EPHA4: variants seen among roughly 807,000 people sequenced by gnomAD.
The protein encoded by EPHA4 is EPH receptor A4, also known as ephrin type-A receptor 4.
A neutral mutation model predicts 108.3 loss-of-function variants in EPHA4; 19 were observed. The observed-to-expected ratio is 0.18, with a 90% CI of 0.12 to 0.26. The LOEUF (loss-of-function observed/expected upper bound fraction) is 0.26. Among genes scored for constraint, EPHA4 ranks in the 10% least tolerant of loss-of-function variants. The pLI, the probability that EPHA4 is intolerant of heterozygous loss-of-function variation, is 1.00. For synonymous variants in EPHA4, 449 were observed against 455.5 expected, an observed-to-expected ratio of 0.99 and a Z score of 0.18; for missense variants, 917 against 1,254.0, an observed-to-expected ratio of 0.73 and a Z score of 4.06.
At chr2:221,478,408 A>G (rs1691723512) in intron 5 of EPHA4, among the ~76,000 whole-genome samples, 1 of 152,160 alleles carries the variant, frequency 6.6e-6, no homozygotes. Flanking sequence ...TTTTTCATAA[A>G]CATCAGGACT....
rs563091858 is a variant in EPHA4, at chr2:221,547,160, T to C, written c.823+16571A>G. ...TTCCCTTTTCTTCTTATTACTTAAA[T>C]GGATTGCTTTCCAAATAGGTTGGTT... On this transcript the variant is annotated intron_variant, in intron 3 of 17. Coordinates refer to ENST00000281821, the MANE Select transcript of EPHA4 (RefSeq NM_004438.5). 3.3e-5 allele frequency among the ~76,000 whole-genome samples: 5 copies of C among 152,348 alleles called. No individual in the cohort carries two copies. The South Asian group carries it at 1.0e-3, about 32-fold the overall frequency.
intron 3 of EPHA4, among the ~76,000 whole-genome samples, chr2:221,542,593 G>T (rs1167746199): frequency 6.6e-6 from 1 of 152,178 alleles, no homozygotes; most frequent in Admixed American, 6.5e-5. Flanking sequence ...AGACTACAGT[G>T]TCCAAGCCAT....
intron 5 of EPHA4, 32 bp from the exon 6 acceptor site, chr2:221,458,022 T>C: frequency 6.3e-7 from 1 of 1,593,244 alleles, no homozygotes. Context: ...CAAAAGATAT[T>C]TTCTTTAGGA....
chr2:221,538,039 T>A (rs1378946186), intron 3 of EPHA4, among the ~76,000 whole-genome samples: 5 of 147,078 alleles, frequency 3.4e-5, no homozygotes, highest in Non-Finnish European at 7.5e-5. Flanking sequence ...ATACAGACTC[T>A]TTTGTGTAAG....
intron 5 of EPHA4, among the ~76,000 whole-genome samples, chr2:221,481,808 T>G (rs1691828937): frequency 6.6e-6 from 1 of 152,192 alleles, no homozygotes; most frequent in South Asian, 2.1e-4. Flanking sequence ...TCAAAACTAT[T>G]GCTGCTAATG....
rs1191568368 is a variant in EPHA4, at chr2:221,456,744, A to G, written c.1472T>C (p.Val491Ala). The change falls in exon 7 of 18, where the codon GTT becomes GCT. Residue 491 changes from valine to alanine, a missense_variant. Around this residue, in one of 3 missense-constraint regions of EPHA4, gnomAD observed 758 missense variants for 1,076.7 expected, o/e 0.70. Transcript: ENST00000281821. ...ATCTGTGTTCCTGGCAGCTGTCCGA[A>G]CTATACGATAGCTTCGCTCATTCTG... ...KDQNERSYRI[V>A]RTAARNTDIK... 6.2e-7 allele frequency: 1 copy of G among 1,613,806 alleles called. No individual in the cohort carries two copies. The highest frequency in any genetic ancestry group is 2.2e-5 in the East Asian group (1 of 44,878).
chr2:221,566,913 G>GAA (rs1694667635), intron 2 of EPHA4, among the ~76,000 whole-genome samples: 1 of 49,232 alleles, frequency 2.0e-5, no homozygotes, highest in African/African-American at 1.2e-4. Context: ...AGAAGGAGAA[G>GAA]GAGAAGGAGA....
intron 2 of EPHA4, among the ~76,000 whole-genome samples, chr2:221,567,322 C>T (rs1559297700): frequency 6.6e-6 from 1 of 152,146 alleles, no homozygotes; most frequent in Admixed American, 6.5e-5. Flanking sequence ...CTGGGAAAGC[C>T]TCGCCTGAAT....
chr2:221,516,597 G>A (rs1365497798), intron 3 of EPHA4, among the ~76,000 whole-genome samples: 1 of 152,020 alleles, frequency 6.6e-6, no homozygotes, highest in East Asian at 1.9e-4. Flanking sequence ...TCAGGTGATC[G>A]GCCCGCCTCG....
intron 13 of EPHA4, among the ~76,000 whole-genome samples, chr2:221,435,688 A>T (rs760514067): frequency 2.0e-5 from 3 of 152,188 alleles, no homozygotes; most frequent in Non-Finnish European, 2.9e-5. Flanking sequence ...TAGTCGAGCT[A>T]AGATAGCACA....
chr2:221,459,039 C>T (rs1204419169), intron 5 of EPHA4, among the ~76,000 whole-genome samples: 1 of 152,048 alleles, frequency 6.6e-6, no homozygotes, highest in Non-Finnish European at 1.5e-5. Context: ...GCAATACATG[C>T]GTATGAATGC....
At chr2:221,544,570 C>T (rs572860046) in intron 3 of EPHA4, among the ~76,000 whole-genome samples, 39 of 152,290 alleles carry the variant, frequency 2.6e-4, no homozygotes, top group East Asian at 1.9e-4. Flanking sequence ...AGGTGATCCA[C>T]GCGTATCGGC....
At chr2:221,547,956 T>C (rs1694047834) in intron 3 of EPHA4, among the ~76,000 whole-genome samples, 1 of 152,266 alleles carries the variant, frequency 6.6e-6, no homozygotes, top group Admixed American at 6.5e-5. Context: ...GAAACGTTAA[T>C]AATTTCTTCC....
intron 3 of EPHA4, among the ~76,000 whole-genome samples, chr2:221,514,098 G>A (rs866770200): frequency 3.3e-5 from 5 of 150,186 alleles, no homozygotes; most frequent in African/African-American, 7.5e-5. Context: ...CGGGGGGAGG[G>A]GGTTTGAAAA....
intron 3 of EPHA4, among the ~76,000 whole-genome samples, chr2:221,514,799 C>G (rs886145059): frequency 6.6e-6 from 1 of 152,144 alleles, no homozygotes; most frequent in Non-Finnish European, 1.5e-5. Context: ...ATGATGTTGA[C>G]ATGCTCCCAA....
intron 5 of EPHA4, among the ~76,000 whole-genome samples, chr2:221,482,104 A>G (rs1269465315): frequency 1.3e-5 from 2 of 152,102 alleles, no homozygotes; most frequent in East Asian, 3.9e-4. Context: ...ATGGGGTGTC[A>G]TCGTGTTGCC....
chr2:221,476,561 A>G (rs1691658274), intron 5 of EPHA4, among the ~76,000 whole-genome samples: 1 of 152,202 alleles, frequency 6.6e-6, no homozygotes, highest in African/African-American at 2.4e-5. Context: ...GTAGGGTTTT[A>G]TGTTTTCACC....
intron 3 of EPHA4, among the ~76,000 whole-genome samples, chr2:221,545,838 A>G (rs1693980799): frequency 6.6e-6 from 1 of 152,172 alleles, no homozygotes; most frequent in Non-Finnish European, 1.5e-5. Flanking sequence ...CACTTGCTTA[A>G]TCCACAAGAT....
intron 8 of EPHA4, among the ~76,000 whole-genome samples, chr2:221,455,068 G>A (rs7585480): frequency 1.1e-4 from 17 of 152,156 alleles, no homozygotes; most frequent in South Asian, 8.3e-4. Context: ...TCTATTTTGT[G>A]TATCAAAATT....
Sources: allele counts gnomAD v4.1 joint callset (sites outside exome capture counted in the v4.1 genomes callset), GRCh38; gene constraint gnomAD v4.1.1; regional missense constraint gnomAD v4.1.1; transcripts MANE v1.5; gene names NCBI Gene and HGNC (gene_info 2026-07-23, HGNC 2026-07-21).